Variants in AFF3 observed in about 807,000 individuals in gnomAD.
AFF3 encodes AF4/FMR2 family member 3.
In AFF3, 32 loss-of-function variants were observed where a neutral mutation model predicts 129.7. That is an observed-to-expected ratio of 0.25 (90% confidence interval 0.19 to 0.33). The LOEUF (loss-of-function observed/expected upper bound fraction) is 0.33, where lower values mean the gene tolerates loss of function less well. Among genes scored for constraint, AFF3 ranks in the 10% least tolerant of loss-of-function variants. The pLI is 1.00. For missense variants in AFF3, 1,373 were observed against 1,592.0 expected (o/e 0.86, Z 2.34); for synonymous variants, 644 against 635.4 (o/e 1.01, Z -0.20).
intron 8 of AFF3, among the ~76,000 whole-genome samples, chr2:99,802,393 C>T (rs189583310): frequency 8.3e-4 from 126 of 152,184 alleles, no homozygotes; most frequent in Non-Finnish European, 1.5e-3. Flanking sequence ...CTTGGCTGGG[C>T]GCGGTGCCTG....
intron 13 of AFF3, among the ~76,000 whole-genome samples, chr2:99,645,802 C>T (rs1156761939): frequency 6.6e-6 from 1 of 152,168 alleles, no homozygotes; most frequent in Non-Finnish European, 1.5e-5. Flanking sequence ...ATTCTCTGAA[C>T]TTTAAAGCAT....
At chr2:100,124,412 C>A (rs1326514984) in intron 2 of AFF3, among the ~76,000 whole-genome samples, 1 of 152,152 alleles carries the variant, frequency 6.6e-6, no homozygotes, top group Non-Finnish European at 1.5e-5. Context: ...TATACCCAGC[C>A]AGATATCAAT....
intron 10 of AFF3, among the ~76,000 whole-genome samples, chr2:99,742,319 G>C (rs1680784952): frequency 6.6e-6 from 1 of 151,940 alleles, no homozygotes; most frequent in South Asian, 2.1e-4. Flanking sequence ...ACTCTAGCCT[G>C]GGCAACAGAG....
intron 18 of AFF3, chr2:99,572,737 G>GA (rs1437357791): frequency 2.3e-6 from 1 of 430,980 alleles, no homozygotes; most frequent in African/African-American, 2.1e-5. Flanking sequence ...GAATGCATAA[G>GA]AAATTAAGTA....
At chr2:100,008,124 T>G (rs1682150846) in intron 5 of AFF3, among the ~76,000 whole-genome samples, 1 of 152,204 alleles carries the variant, frequency 6.6e-6, no homozygotes, top group East Asian at 1.9e-4. Context: ...CCTGTAATTG[T>G]AGTCCCGTTA....
At chr2:99,951,576 G>A (rs1181060261) in intron 7 of AFF3, among the ~76,000 whole-genome samples, 1 of 152,140 alleles carries the variant, frequency 6.6e-6, no homozygotes, top group East Asian at 1.9e-4. Context: ...TAGGAAAGAG[G>A]GATGTTTGAG....
At chr2:100,015,480 C>T (rs114631889) in intron 4 of AFF3, among the ~76,000 whole-genome samples, 2,208 of 152,254 alleles carry the variant, frequency 0.015, 58 homozygotes, top group African/African-American at 0.05. Flanking sequence ...CCCTGCTCTC[C>T]AGAGCAGCAG....
intron 11 of AFF3, among the ~76,000 whole-genome samples, chr2:99,691,530 T>C (rs966906103): frequency 6.6e-6 from 1 of 150,704 alleles, no homozygotes; most frequent in Non-Finnish European, 1.5e-5. Context: ...CCAGACCAAC[T>C]GCTGCCTCAT....
intron 13 of AFF3, among the ~76,000 whole-genome samples, chr2:99,609,887 T>C (rs1382494664): frequency 1.3e-5 from 2 of 152,210 alleles, no homozygotes; most frequent in Non-Finnish European, 2.9e-5. Flanking sequence ...TACATCTAGA[T>C]GGCCTGAGGC....
intron 7 of AFF3, among the ~76,000 whole-genome samples, chr2:100,001,933 C>T (rs916961728): frequency 1.3e-5 from 2 of 152,218 alleles, no homozygotes; most frequent in Non-Finnish European, 2.9e-5. Flanking sequence ...ACGTTCTAAG[C>T]GGACGGAAGC....
chr2:99,666,622 AAT>A (rs1489271025), intron 12 of AFF3, among the ~76,000 whole-genome samples: 1 of 152,244 alleles, frequency 6.6e-6, no homozygotes, highest in Non-Finnish European at 1.5e-5. Context: ...AGTGAATAAA[AAT>A]ATGACAACTA....
intron 1 of AFF3, among the ~76,000 whole-genome samples, chr2:100,139,453 G>T (rs888645455): frequency 6.6e-6 from 1 of 152,188 alleles, no homozygotes; most frequent in African/African-American, 2.4e-5. Flanking sequence ...GGCTATAGGG[G>T]AGGAACAGCA....
rs201965116 is a variant in AFF3 at position 99,777,805 on chromosome 2, G to C, written c.922-25504C>G. ...ATGTCTTCATGCACACAGACAAGTT[G>C]GCTGCCTTCTACCAGCTCCCGGTGG... On this transcript the variant is annotated intron_variant, in intron 8 of 24. Coordinates refer to ENST00000672756, the MANE Select transcript of AFF3 (RefSeq NM_001386135.1). Among the ~76,000 whole-genome samples the C allele has an allele frequency of 2.3e-3, 349 of 151,672 alleles. 1 individual carries two copies. Among genetic ancestry groups the C allele is most frequent in the Non-Finnish European group, 3.1e-3 (210 of 67,870 alleles).
intron 8 of AFF3, among the ~76,000 whole-genome samples, chr2:99,790,005 G>A (rs1685085094): frequency 1.3e-5 from 2 of 152,176 alleles, no homozygotes; most frequent in Admixed American, 1.3e-4. Context: ...GGCAGCTCCT[G>A]CAAAAATAAA....
At chr2:100,006,322 A>G (rs1681967498) in intron 7 of AFF3, 1 of 236,652 alleles carries the variant, frequency 4.2e-6, no homozygotes, top group Admixed American at 5.1e-5. Flanking sequence ...TTTTATTTAT[A>G]CCCTCAGTGA....
intron 4 of AFF3, among the ~76,000 whole-genome samples, chr2:100,095,526 G>A (rs1441063398): frequency 1.3e-5 from 2 of 152,182 alleles, no homozygotes; most frequent in African/African-American, 4.8e-5. Flanking sequence ...TCTCAAGACT[G>A]CAAGATTTAA....
chr2:99,873,504 C>T (rs4851239), intron 7 of AFF3, among the ~76,000 whole-genome samples: 57,806 of 152,016 alleles, frequency 0.38, 11,338 homozygotes, highest in East Asian at 0.52. Context: ...CTTAGGTAGA[C>T]TCCTTCACCT....
intron 4 of AFF3, among the ~76,000 whole-genome samples, chr2:100,059,254 CAAA>C (rs59005550): frequency 9.7e-5 from 3 of 31,004 alleles, no homozygotes; most frequent in African/African-American, 4.6e-4. Flanking sequence ...ACTCTGTCTC[CAAA>C]AAAAAAAAAA....
At chr2:99,928,504 G>C (rs1696436762) in intron 7 of AFF3, among the ~76,000 whole-genome samples, 1 of 152,042 alleles carries the variant, frequency 6.6e-6, no homozygotes, top group African/African-American at 2.4e-5. Flanking sequence ...TCTATAACTA[G>C]AACAAGTTGT....
Sources: gnomAD v4.1 joint callset for allele counts (sites outside exome capture counted in the v4.1 genomes callset) on GRCh38, gnomAD v4.1.1 for gene constraint, MANE v1.5 for transcripts, NCBI Gene and HGNC (gene_info 2026-07-23, HGNC 2026-07-21) for gene names.